The following HEMK2 variants were observed in gnomAD, a reference collection of about 807,000 sequenced individuals.
HEMK2 encodes the protein HemK methyltransferase 2, ETF1 glutamine and histone H4 lysine, also known as methyltransferase HEMK2.
the HEMK2 span, among the ~76,000 whole-genome samples, chr21:28,723,278 A>C: frequency 6.6e-6 from 1 of 152,130 alleles, no homozygotes; most frequent in Non-Finnish European, 1.5e-5. Flanking sequence ...AGCCTCCTAA[A>C]GTTCTGGGAT....
chr21:28,690,419 G>C, the HEMK2 span, among the ~76,000 whole-genome samples: 22,457 of 152,188 alleles, frequency 0.15, 1,927 homozygotes, highest in African/African-American at 0.23. Flanking sequence ...CCAGCAATGT[G>C]ATTCTAGCCT....
the HEMK2 span, among the ~76,000 whole-genome samples, chr21:28,630,729 T>A: frequency 7.9e-6 from 1 of 127,060 alleles, no homozygotes; most frequent in Non-Finnish European, 1.6e-5. Context: ...AATTGAACAA[T>A]GAGAACACAT....
the HEMK2 span, among the ~76,000 whole-genome samples, chr21:28,868,909 C>G: frequency 5.9e-5 from 9 of 151,970 alleles, no homozygotes; most frequent in Non-Finnish European, 1.0e-4. Flanking sequence ...TAAATATTTT[C>G]TTGGTAAATA....
the HEMK2 span, among the ~76,000 whole-genome samples, chr21:28,774,867 GA>G: frequency 6.6e-6 from 1 of 152,066 alleles, no homozygotes; most frequent in Admixed American, 6.5e-5. Context: ...ATTTAATTTT[GA>G]AAAGATTATC....
At chr21:28,648,485 T>C in the HEMK2 span, among the ~76,000 whole-genome samples, 1 of 152,162 alleles carries the variant, frequency 6.6e-6, no homozygotes, top group Non-Finnish European at 1.5e-5. Flanking sequence ...CCATTACTGA[T>C]TGCATCTCTA....
chr21:28,815,339 C>T, the HEMK2 span, among the ~76,000 whole-genome samples: 9 of 151,244 alleles, frequency 6.0e-5, no homozygotes, highest in African/African-American at 1.7e-4. Flanking sequence ...CAAACCTGCA[C>T]GTTGTGCACA....
chr21:28,701,546 C>CCACACA, the HEMK2 span, among the ~76,000 whole-genome samples: 1 of 119,874 alleles, frequency 8.3e-6, no homozygotes, highest in Non-Finnish European at 1.7e-5. Context: ...TTCACAATAG[C>CCACACA]CACACACACA....
the HEMK2 span, among the ~76,000 whole-genome samples, chr21:28,784,991 A>G: frequency 0.063 from 9,660 of 152,218 alleles, 467 homozygotes; most frequent in African/African-American, 0.14. Context: ...CGGTGAGACC[A>G]TGAACCCACT....
At chr21:28,713,072 G>C in the HEMK2 span, among the ~76,000 whole-genome samples, 2 of 152,098 alleles carry the variant, frequency 1.3e-5, no homozygotes, top group African/African-American at 4.8e-5. Flanking sequence ...TACTTTTCTG[G>C]TATTGCCTTT....
chr21:28,839,419 G>A, the HEMK2 span, among the ~76,000 whole-genome samples: 1 of 152,056 alleles, frequency 6.6e-6, no homozygotes, highest in Admixed American at 6.6e-5. Flanking sequence ...TCAGTAAAGA[G>A]GAAGTCAAAC....
At chr21:28,798,637 G>A in the HEMK2 span, among the ~76,000 whole-genome samples, 1 of 152,158 alleles carries the variant, frequency 6.6e-6, no homozygotes, top group South Asian at 2.1e-4. Context: ...GTTCTTTGGG[G>A]GCCTGGACAG....
chr21:28,664,726 T>A, the HEMK2 span, among the ~76,000 whole-genome samples: 1 of 152,158 alleles, frequency 6.6e-6, no homozygotes, highest in Non-Finnish European at 1.5e-5. Flanking sequence ...CATGCTTCAG[T>A]CTCTAATAAT....
chr21:28,814,064 C>T, the HEMK2 span, among the ~76,000 whole-genome samples: 1 of 152,030 alleles, frequency 6.6e-6, no homozygotes, highest in Non-Finnish European at 1.5e-5. Flanking sequence ...GGTGAAACCC[C>T]ATCTCTAATA....
chr21:28,830,949 G>A, the HEMK2 span, among the ~76,000 whole-genome samples: 1 of 151,492 alleles, frequency 6.6e-6, no homozygotes, highest in Non-Finnish European at 1.5e-5. Flanking sequence ...TGGAAAATTA[G>A]TATTCTATCC....
the HEMK2 span, among the ~76,000 whole-genome samples, chr21:28,866,163 AAC>A: frequency 9.9e-5 from 10 of 100,812 alleles, no homozygotes; most frequent in Admixed American, 2.0e-4. Flanking sequence ...AACAAAAACA[AAC>A]AAAAAAAAAA....
At chr21:28,732,370 G>A in the HEMK2 span, among the ~76,000 whole-genome samples, 1 of 152,244 alleles carries the variant, frequency 6.6e-6, no homozygotes, top group Non-Finnish European at 1.5e-5. Flanking sequence ...GAGGGTAACT[G>A]ATGAATAAAG....
At chr21:28,766,357 G>C in the HEMK2 span, among the ~76,000 whole-genome samples, 1 of 151,700 alleles carries the variant, frequency 6.6e-6, no homozygotes, top group East Asian at 1.9e-4. Flanking sequence ...AAAAACAATA[G>C]ATATTGGCAT....
At chr21:28,737,592 T>TTAAA in the HEMK2 span, among the ~76,000 whole-genome samples, 24 of 148,002 alleles carry the variant, frequency 1.6e-4, no homozygotes, top group East Asian at 2.5e-3. Flanking sequence ...CATAGACTGT[T>TTAAA]AAAAAAAAAA....
chr21:28,740,117 C>G, the HEMK2 span, among the ~76,000 whole-genome samples: 1 of 152,146 alleles, frequency 6.6e-6, no homozygotes, highest in African/African-American at 2.4e-5. Flanking sequence ...TTCCAAACAC[C>G]CAGTGTATGT....
Sources: allele counts gnomAD v4.1 joint callset (sites outside exome capture counted in the v4.1 genomes callset), GRCh38; gene constraint gnomAD v4.1.1; transcripts MANE v1.5; gene names NCBI Gene and HGNC (gene_info 2026-07-23, HGNC 2026-07-21).